The following ERGIC1 variants were observed in gnomAD, a reference collection of about 807,000 sequenced individuals.
ERGIC1 encodes the protein endoplasmic reticulum-Golgi intermediate compartment protein 1.
ERGIC1 carries 19 observed loss-of-function variants against 38.3 expected under a neutral mutation model. The ratio of observed to expected loss-of-function variants is 0.50; its 90% CI spans 0.35 to 0.73. ERGIC1 has a LOEUF of 0.73. ERGIC1 is among the 30% of genes least tolerant of loss of function. The pLI, the probability that ERGIC1 is intolerant of heterozygous loss-of-function variation, is 0.01. For missense variants in ERGIC1, 294 were observed against 389.2 expected, an observed-to-expected ratio of 0.76 and a Z score of 2.06; for synonymous variants, 124 against 157.6, an observed-to-expected ratio of 0.79 and a Z score of 1.60.
At chr5:172,905,376 A>C in intron 3 of ERGIC1, 1 of 455,676 alleles carries the variant, frequency 2.2e-6, no homozygotes, top group Non-Finnish European at 4.6e-6. Flanking sequence ...GGCTGTAGGG[A>C]GGCCGATCCT....
intron 3 of ERGIC1, among the ~76,000 whole-genome samples, chr5:172,897,443 A>AAGAAAGAG (rs1554110763): frequency 7.0e-6 from 1 of 142,414 alleles, no homozygotes; most frequent in African/African-American, 2.7e-5. Context: ...AAAAAAAAAA[A>AAGAAAGAG]AGAGAGAGAG....
intron 9 of ERGIC1, among the ~76,000 whole-genome samples, chr5:172,942,349 G>A (rs928743882): frequency 3.9e-5 from 6 of 151,988 alleles, no homozygotes; most frequent in East Asian, 1.9e-4. Flanking sequence ...ATGCCGCCTC[G>A]GTTCTCTCCT....
Position 172,951,742 on chromosome 5 carries a change from A to C in ERGIC1, c.*926A>C, listed in dbSNP as rs1229314916. The C allele has an allele frequency of 6.6e-6, 1 of 152,332 alleles. No individual in the cohort carries two copies. Among genetic ancestry groups the C allele is most frequent in the Admixed American group, 6.5e-5 (1 of 15,288 alleles). The allele number at this position is 152,332 out of a possible 1,614,324, so 9.4% of individuals were successfully genotyped here. On this transcript the variant is annotated 3_prime_UTR_variant, in exon 10 of 10. Coordinates refer to ENST00000393784, the MANE Select transcript of ERGIC1 (RefSeq NM_001031711.3). The stretch of plus-strand genomic sequence containing the variant: ...AGACATGGTTTGTGCACTTACGTCC[A>C]GATGGGAAGCATCCTTCCTGCAACC...
chr5:172,840,858 T>G (rs1293265364), intron 1 of ERGIC1, among the ~76,000 whole-genome samples: 2 of 152,206 alleles, frequency 1.3e-5, no homozygotes, highest in African/African-American at 4.8e-5. Context: ...ATGTATTCAT[T>G]AAAATGTATA....
intron 6 of ERGIC1, 148 bp downstream of exon 6, chr5:172,924,257 C>A: frequency 1.3e-6 from 1 of 770,018 alleles, no homozygotes; most frequent in Non-Finnish European, 2.2e-6. Context: ...AAGGGTTTCA[C>A]CAGGAACAGA....
At chr5:172,932,110 C>T (rs973232918) in intron 7 of ERGIC1, among the ~76,000 whole-genome samples, 23 of 152,268 alleles carry the variant, frequency 1.5e-4, no homozygotes, top group African/African-American at 5.1e-4. Context: ...CCACCCACCT[C>T]GGCCTCCCAA....
intron 5 of ERGIC1, chr5:172,915,110 G>A (rs1217767837): frequency 1.4e-6 from 1 of 698,284 alleles, no homozygotes; most frequent in Non-Finnish European, 2.6e-6. Flanking sequence ...CTGAGGATTT[G>A]CAGCCCCCAG....
intron 1 of ERGIC1, among the ~76,000 whole-genome samples, chr5:172,869,934 C>A (rs1328340637): frequency 1.3e-5 from 2 of 152,188 alleles, no homozygotes; most frequent in African/African-American, 4.8e-5. Context: ...AGGGCTCCAA[C>A]AGAGTTGGGT....
chr5:172,882,148 C>T (rs1022380125), intron 1 of ERGIC1, among the ~76,000 whole-genome samples: 4 of 152,296 alleles, frequency 2.6e-5, no homozygotes, highest in South Asian at 2.1e-4. Flanking sequence ...TGCTGCCCAG[C>T]GTGGCTCTGT....
At chr5:172,857,086 A>G (rs1015605636) in intron 1 of ERGIC1, among the ~76,000 whole-genome samples, 1 of 152,210 alleles carries the variant, frequency 6.6e-6, no homozygotes, top group Non-Finnish European at 1.5e-5. Flanking sequence ...CCTTAGGAAC[A>G]TGATGTACGC....
At chr5:172,854,303 GC>G (rs1761486810) in intron 1 of ERGIC1, among the ~76,000 whole-genome samples, 1 of 152,098 alleles carries the variant, frequency 6.6e-6, no homozygotes, top group African/African-American at 2.4e-5. Context: ...GATCACTTGA[GC>G]CCGGGAGGTT....
intron 1 of ERGIC1, among the ~76,000 whole-genome samples, chr5:172,836,394 A>G (rs1475883441): frequency 6.6e-6 from 1 of 152,186 alleles, no homozygotes; most frequent in African/African-American, 2.4e-5. Context: ...GGCATACTTC[A>G]GGTCCCTGAG....
At chr5:172,881,460 A>G (rs73325148) in intron 1 of ERGIC1, among the ~76,000 whole-genome samples, 3,606 of 152,284 alleles carry the variant, frequency 0.024, 158 homozygotes, top group African/African-American at 0.082. Flanking sequence ...GGAGGGCAGT[A>G]GAGGAAAGGT....
At chr5:172,896,151 C>T (rs1164360670) in intron 2 of ERGIC1, among the ~76,000 whole-genome samples, 6 of 151,730 alleles carry the variant, frequency 4.0e-5, no homozygotes, top group Admixed American at 6.6e-5. Context: ...AAGACCAGCC[C>T]GGCCAACATG....
At chr5:172,886,095 TCA>T (rs1255457408) in intron 1 of ERGIC1, among the ~76,000 whole-genome samples, 2 of 151,896 alleles carry the variant, frequency 1.3e-5, no homozygotes, top group East Asian at 3.9e-4. Context: ...TGCTGACCTC[TCA>T]CAGTCTCCCA....
rs776536979 is a variant in ERGIC1, at chr5:172,935,230, A to G, written c.685A>G (p.Ile229Val). ...CCACACGGGCCGCATCATCCCTGCA[A>G]TCTGGTTCCGCTACGACCTCAGCCC... Reference protein sequence around the residue: ...YSHTGRIIPAIWFRYDLSPIT... With the variant: ...YSHTGRIIPAVWFRYDLSPIT... The change falls in exon 9 of 10, where the codon ATC becomes GTC. Residue 229 changes from isoleucine (I) to valine (V), a missense_variant. Physicochemically the swap from Ile to Val is conservative, Grantham distance 29 (BLOSUM62 3). Around this residue, in one of 3 missense-constraint regions of ERGIC1, gnomAD observed 109 missense variants for 112.7 expected, o/e 0.97. Coordinates refer to ENST00000393784, the MANE Select transcript of ERGIC1 (RefSeq NM_001031711.3). The G allele has an allele frequency of 3.7e-6, 6 of 1,614,082 alleles. No individual in the cohort carries two copies. In the South Asian group the frequency reaches 4.4e-5, roughly 12 times the overall value.
chr5:172,900,712 AAAAAAAAAAC>A (rs1004064302), intron 3 of ERGIC1, among the ~76,000 whole-genome samples: 3 of 145,590 alleles, frequency 2.1e-5, no homozygotes, highest in African/African-American at 7.4e-5. Context: ...CCTATCTCAA[AAAAAAAAAAC>A]AAAAAAAAAC....
chr5:172,945,380 G>A (rs1392674210), intron 9 of ERGIC1, among the ~76,000 whole-genome samples: 9 of 152,180 alleles, frequency 5.9e-5, no homozygotes. Context: ...ATCTGCCTGC[G>A]GTGCTGGGAC....
intron 4 of ERGIC1, among the ~76,000 whole-genome samples, chr5:172,913,475 G>A (rs889634098): frequency 1.3e-5 from 2 of 152,220 alleles, no homozygotes; most frequent in African/African-American, 4.8e-5. Flanking sequence ...GACCCGTGAG[G>A]GTCATTTCGA....
Sources: allele counts gnomAD v4.1 joint callset (sites outside exome capture counted in the v4.1 genomes callset), GRCh38; gene constraint gnomAD v4.1.1; regional missense constraint gnomAD v4.1.1; transcripts MANE v1.5; gene names NCBI Gene and HGNC (gene_info 2026-07-23, HGNC 2026-07-21).